PTN: variants seen among roughly 807,000 people sequenced by gnomAD.
PTN encodes pleiotrophin, also known as heparin affin regulatory protein.
A neutral mutation model predicts 24.1 loss-of-function variants in PTN; 18 were observed. That is an observed-to-expected ratio of 0.75 (90% CI 0.52 to 1.11). The LOEUF (loss-of-function observed/expected upper bound fraction) is 1.11. PTN is among the 50% of genes least tolerant of loss of function. The pLI is 0.00. For missense variants in PTN, 163 were observed against 198.8 expected, an observed-to-expected ratio of 0.82 and a Z score of 1.08; for synonymous variants, 78 against 68.6, an observed-to-expected ratio of 1.14 and a Z score of -0.67.
chr7:137,329,276 A>G (rs1810311164), intron 1 of PTN, among the ~76,000 whole-genome samples: 1 of 152,222 alleles, frequency 6.6e-6, no homozygotes, highest in East Asian at 1.9e-4. Context: ...GAAATTTTAA[A>G]TGATGAGAAA....
intron 1 of PTN, among the ~76,000 whole-genome samples, chr7:137,255,628 T>C (rs1186704549): frequency 1.3e-5 from 2 of 152,224 alleles, no homozygotes; most frequent in Non-Finnish European, 2.9e-5. Flanking sequence ...AATTCGCATG[T>C]GCTAAAAATC....
At chr7:137,324,433 A>AAAAAAAAAATATATAT in intron 1 of PTN, among the ~76,000 whole-genome samples, 1 of 88,806 alleles carries the variant, frequency 1.1e-5, no homozygotes, top group African/African-American at 6.9e-5. Context: ...AAAAAAAAAA[A>AAAAAAAAAATATATAT]ATATATATAT....
rs140888890 is a variant in PTN, at chr7:137,339,982, G to A, written c.-2+3457C>T. On this transcript the variant is annotated intron_variant, in intron 1 of 4. Coordinates refer to ENST00000348225, the MANE Select transcript of PTN (RefSeq NM_002825.7). ...ACTTTTTTCAAGATTAATATACAGCGCTTGATTTTTTGTTACACTATGTGT... is the reference window on the plus strand; with the variant it reads ...ACTTTTTTCAAGATTAATATACAGCACTTGATTTTTTGTTACACTATGTGT... Among the ~76,000 whole-genome samples the A allele has an allele frequency of 8.9e-3, 1,351 of 152,024 alleles. 14 individuals are homozygous for A. Among genetic ancestry groups the A allele is most frequent in the South Asian group, 0.031 (149 of 4,802 alleles).
intron 4 of PTN, among the ~76,000 whole-genome samples, chr7:137,231,037 T>C (rs145699069): frequency 1.1e-3 from 163 of 151,978 alleles, no homozygotes; most frequent in African/African-American, 3.8e-3. Flanking sequence ...TCTAGTTTGC[T>C]GACCTCGCAG....
At chr7:137,251,544 A>G (rs1808827595) in intron 3 of PTN, among the ~76,000 whole-genome samples, 153 bp from the exon 4 acceptor site, 1 of 152,230 alleles carries the variant, frequency 6.6e-6, no homozygotes, top group African/African-American at 2.4e-5. Flanking sequence ...ATGCGTGTGT[A>G]TTGATTTCTG....
intron 1 of PTN, among the ~76,000 whole-genome samples, chr7:137,316,779 G>C (rs1030345866): frequency 6.6e-6 from 1 of 152,154 alleles, no homozygotes; most frequent in Non-Finnish European, 1.5e-5. Context: ...AAATTAGCCG[G>C]CTGCCGGGTT....
At chr7:137,287,355 A>G (rs1585030196) in intron 1 of PTN, among the ~76,000 whole-genome samples, 1 of 152,164 alleles carries the variant, frequency 6.6e-6, no homozygotes. Flanking sequence ...CCTGATCACT[A>G]TGTGTATTTA....
At chr7:137,229,601 G>C (rs1337895607) in intron 4 of PTN, among the ~76,000 whole-genome samples, 1 of 151,530 alleles carries the variant, frequency 6.6e-6, no homozygotes, top group Non-Finnish European at 1.5e-5. Flanking sequence ...AAACTTCAAG[G>C]GTACACTATA....
chr7:137,242,621 C>A (rs1268374525), intron 4 of PTN, among the ~76,000 whole-genome samples: 1 of 152,208 alleles, frequency 6.6e-6, no homozygotes, highest in Non-Finnish European at 1.5e-5. Context: ...GCCAGGTGAA[C>A]AATAACCCAA....
intron 1 of PTN, among the ~76,000 whole-genome samples, chr7:137,301,574 T>A (rs1480478427): frequency 2.7e-5 from 4 of 149,350 alleles, no homozygotes; most frequent in Non-Finnish European, 3.0e-5. Flanking sequence ...GTATATTAAG[T>A]AAAAAAAAAA....
chr7:137,314,538 C>T (rs963539014), intron 1 of PTN, among the ~76,000 whole-genome samples: 3 of 150,132 alleles, frequency 2.0e-5, no homozygotes, highest in Admixed American at 1.3e-4. Flanking sequence ...GTGCCGTATA[C>T]ATTATGCCTA....
chr7:137,234,595 A>G (rs1427735595), intron 4 of PTN, among the ~76,000 whole-genome samples: 1 of 152,184 alleles, frequency 6.6e-6, no homozygotes, highest in African/African-American at 2.4e-5. Context: ...CCCCACTTTC[A>G]ATATTAAGAA....
intron 1 of PTN, among the ~76,000 whole-genome samples, chr7:137,271,208 A>T (rs941249193): frequency 3.3e-5 from 5 of 152,238 alleles, no homozygotes; most frequent in Admixed American, 2.6e-4. Flanking sequence ...ATCCAATGTC[A>T]TATAATTTCA....
intron 1 of PTN, among the ~76,000 whole-genome samples, chr7:137,335,875 G>T (rs185804627): frequency 2.9e-4 from 44 of 150,990 alleles, no homozygotes; most frequent in Non-Finnish European, 5.2e-4. Context: ...CATAATCTGA[G>T]GTAAAAGAAA....
intron 1 of PTN, among the ~76,000 whole-genome samples, chr7:137,274,524 C>A (rs1475027703): frequency 3.3e-5 from 5 of 152,046 alleles, no homozygotes; most frequent in Non-Finnish European, 5.9e-5. Context: ...GCCCCCACCC[C>A]CCGACAGGCC....
intron 1 of PTN, among the ~76,000 whole-genome samples, chr7:137,305,331 C>A (rs1809870338): frequency 6.6e-6 from 1 of 151,950 alleles, no homozygotes; most frequent in Non-Finnish European, 1.5e-5. Flanking sequence ...GAGATTAGTA[C>A]ACCAAAGCAT....
intron 4 of PTN, among the ~76,000 whole-genome samples, chr7:137,239,380 TTATTTATTTATTTATTTA>T (rs1355071112): frequency 9.6e-6 from 1 of 103,680 alleles, no homozygotes; most frequent in Non-Finnish European, 2.1e-5. Flanking sequence ...TCTTTTTTAT[TTATTTATTTATTTATTTA>T]TTTATTTATT....
At chr7:137,331,386 A>T (rs1479626202) in intron 1 of PTN, among the ~76,000 whole-genome samples, 1 of 152,180 alleles carries the variant, frequency 6.6e-6, no homozygotes, top group Admixed American at 6.5e-5. Flanking sequence ...CTAAAGCCGC[A>T]ATTTAAAAAG....
chr7:137,277,882 T>C (rs2128875395), intron 1 of PTN, among the ~76,000 whole-genome samples: 1 of 66,702 alleles, frequency 1.5e-5, no homozygotes, highest in Non-Finnish European at 2.9e-5. Context: ...AAAATATATA[T>C]GTAGATAGAT....
Sources: gnomAD v4.1 joint callset for allele counts (sites outside exome capture counted in the v4.1 genomes callset) on GRCh38, gnomAD v4.1.1 for gene constraint, MANE v1.5 for transcripts, NCBI Gene and HGNC (gene_info 2026-07-23, HGNC 2026-07-21) for gene names.